SEMA3E: variants seen among roughly 807,000 people sequenced by gnomAD.
SEMA3E encodes semaphorin 3E, also known as semaphorin-3E.
Under a neutral mutation model 93.6 loss-of-function variants are expected in SEMA3E, and 49 were observed. The observed-to-expected ratio is 0.52, with a 90% confidence interval of 0.42 to 0.66. SEMA3E has a LOEUF of 0.66. SEMA3E is among the 30% of genes least tolerant of loss of function. SEMA3E has a pLI of 0.00. For synonymous variants in SEMA3E, 363 were observed against 330.7 expected, an observed-to-expected ratio of 1.10 and a Z score of -1.06; for missense variants, 906 against 964.8, an observed-to-expected ratio of 0.94 and a Z score of 0.81.
At chr7:83,402,868 T>G in intron 9 of SEMA3E, 92 bp from the exon 10 acceptor site, 1 of 1,300,232 alleles carries the variant, frequency 7.7e-7, no homozygotes, top group Non-Finnish European at 1.1e-6. Context: ...GAGTCAAGTC[T>G]TTTGGGTAAA....
rs1335074659 is a variant in SEMA3E at position 83,372,240 on chromosome 7, G to A, written c.1876-4202C>T. ...ATGGTTTCAGGAGCACTTAGTAACTGATGAAAGAGGGCTACATCACAGATA... is the reference window on the plus strand; with the variant it reads ...ATGGTTTCAGGAGCACTTAGTAACTAATGAAAGAGGGCTACATCACAGATA... On this transcript the variant is annotated intron_variant, in intron 16 of 16. Coordinates refer to ENST00000643230, the MANE Select transcript of SEMA3E (RefSeq NM_012431.3). The A allele has an allele frequency of 2.3e-5, 9 of 397,762 alleles. No individual in the cohort carries two copies. In the Admixed American group the frequency reaches 2.6e-4, roughly 12 times the overall value. 24.6% of individuals were successfully genotyped at this position (397,762 alleles called of 1,614,324 possible).
At chr7:83,597,172 C>T (rs1226667786) in intron 1 of SEMA3E, among the ~76,000 whole-genome samples, 1 of 152,102 alleles carries the variant, frequency 6.6e-6, no homozygotes, top group Non-Finnish European at 1.5e-5. Flanking sequence ...ACATAAGTAC[C>T]TCCTCTGATA....
At chr7:83,466,374 A>G (rs1157809828) in intron 4 of SEMA3E, 108 bp downstream of exon 4, 16 of 1,334,936 alleles carry the variant, frequency 1.2e-5, no homozygotes, top group African/African-American at 4.3e-5. Flanking sequence ...GATTCAGTAC[A>G]TCGCAAATGC....
chr7:83,615,351 C>A (rs1312486775), intron 1 of SEMA3E, among the ~76,000 whole-genome samples: 2 of 151,686 alleles, frequency 1.3e-5, no homozygotes, highest in South Asian at 2.1e-4. Context: ...TTTTTTTAAA[C>A]CCCTTACTTA....
intron 1 of SEMA3E, among the ~76,000 whole-genome samples, chr7:83,572,007 A>G (rs1321115363): frequency 6.6e-6 from 1 of 152,186 alleles, no homozygotes; most frequent in Non-Finnish European, 1.5e-5. Flanking sequence ...TTAGGAATAC[A>G]TCTAACTAAG....
At chr7:83,395,785 T>G (rs1012448348) in intron 12 of SEMA3E, among the ~76,000 whole-genome samples, 10 of 152,166 alleles carry the variant, frequency 6.6e-5, no homozygotes, top group Non-Finnish European at 7.3e-5. Flanking sequence ...TTAGATAAGC[T>G]TCATTCAGGC....
intron 1 of SEMA3E, among the ~76,000 whole-genome samples, chr7:83,504,686 T>C (rs1426296905): frequency 6.6e-6 from 1 of 152,192 alleles, no homozygotes; most frequent in African/African-American, 2.4e-5. Context: ...AATTATCAGT[T>C]AGTATTGATT....
intron 1 of SEMA3E, among the ~76,000 whole-genome samples, chr7:83,610,652 A>G (rs541428259): frequency 1.3e-5 from 2 of 152,196 alleles, no homozygotes; most frequent in Non-Finnish European, 2.9e-5. Context: ...CCTAAAGCCC[A>G]ATACCTCAGA....
In SEMA3E at chr7:83,580,851, T is replaced by C. The variant is rs1371470399; in HGVS notation, c.115+67577A>G. 2.0e-5 allele frequency among the ~76,000 whole-genome samples: 3 copies of C among 151,986 alleles called. No individual in the cohort carries two copies. The East Asian group carries it at 5.8e-4, about 29-fold the overall frequency. ...GGCACTAAATGCTGTGAATATTTGT[T>C]CAATAAATACAGTTACCAAAAAATT... is the stretch of plus-strand genomic sequence containing the variant. On this transcript the variant is annotated intron_variant, in intron 1 of 16. Coordinates refer to ENST00000643230, the MANE Select transcript of SEMA3E (RefSeq NM_012431.3).
chr7:83,418,211 A>G (rs1303192472), intron 5 of SEMA3E, among the ~76,000 whole-genome samples, 179 bp downstream of exon 5: 1 of 152,078 alleles, frequency 6.6e-6, no homozygotes, highest in East Asian at 1.9e-4. Flanking sequence ...CACTTATTTT[A>G]GAGTCAAATT....
chr7:83,485,915 T>C (rs1458006707), intron 2 of SEMA3E, among the ~76,000 whole-genome samples: 1 of 152,124 alleles, frequency 6.6e-6, no homozygotes, highest in Non-Finnish European at 1.5e-5. Context: ...ATGTTATGTT[T>C]TAAAAGATAC....
chr7:83,385,888 T>C (rs143342370), intron 15 of SEMA3E, among the ~76,000 whole-genome samples: 1 of 152,248 alleles, frequency 6.6e-6, no homozygotes, highest in Admixed American at 6.6e-5. Flanking sequence ...TATCTGGGTG[T>C]TGGGCTGCTG....
intron 1 of SEMA3E, among the ~76,000 whole-genome samples, chr7:83,626,490 G>T (rs1793672950): frequency 6.6e-6 from 1 of 152,086 alleles, no homozygotes; most frequent in African/African-American, 2.4e-5. Context: ...TGGTTCATTT[G>T]CATAGAGGTG....
At chr7:83,508,085 T>C (rs1790740594) in intron 1 of SEMA3E, among the ~76,000 whole-genome samples, 1 of 152,212 alleles carries the variant, frequency 6.6e-6, no homozygotes, top group Non-Finnish European at 1.5e-5. Flanking sequence ...CCTGCTTTTG[T>C]AAAACTTGTC....
intron 4 of SEMA3E, among the ~76,000 whole-genome samples, chr7:83,444,554 G>A (rs1299137911): frequency 1.3e-5 from 2 of 152,166 alleles, no homozygotes; most frequent in Non-Finnish European, 2.9e-5. Context: ...GAGGGTAGAT[G>A]TAGCTATGTA....
At chr7:83,434,376 A>G (rs1329704771) in intron 4 of SEMA3E, among the ~76,000 whole-genome samples, 1 of 152,202 alleles carries the variant, frequency 6.6e-6, no homozygotes, top group Non-Finnish European at 1.5e-5. Context: ...CCATTTTCAA[A>G]TGCAACATAA....
chr7:83,388,808 C>CT (rs5885347), intron 14 of SEMA3E, among the ~76,000 whole-genome samples: 19,559 of 140,944 alleles, frequency 0.14, 2,948 homozygotes, highest in African/African-American at 0.38. Context: ...CTATTTCAGT[C>CT]TTTTTTTTTT....
At chr7:83,568,426 A>T (rs900333622) in intron 1 of SEMA3E, among the ~76,000 whole-genome samples, 3 of 152,112 alleles carry the variant, frequency 2.0e-5, no homozygotes, top group African/African-American at 7.2e-5. Context: ...GACAACAACA[A>T]AAATCCGTAG....
rs759711935 is a variant in SEMA3E, at chr7:83,617,444, A to AAATAATATAT, written c.115+30983_115+30984insATATATTATT. Among the ~76,000 whole-genome samples the AAATAATATAT allele has an allele frequency of 2.6e-3, 264 of 99,758 alleles. 1 individual carries two copies. Among genetic ancestry groups the AAATAATATAT allele is most frequent in the Non-Finnish European group, 4.3e-3 (210 of 48,522 alleles). 65.4% of individuals were successfully genotyped at this position (99,758 alleles called of 152,430 possible). On this transcript the variant is annotated intron_variant, in intron 1 of 16. Coordinates refer to ENST00000643230, the MANE Select transcript of SEMA3E (RefSeq NM_012431.3). ...TTAATTTATATTAATAATTTTATAT[A>AAATAATATAT]AATTTTATATAAATAATATATAATT...
Sources: gnomAD v4.1 joint callset for allele counts (sites outside exome capture counted in the v4.1 genomes callset) on GRCh38, gnomAD v4.1.1 for gene constraint, MANE v1.5 for transcripts, NCBI Gene and HGNC (gene_info 2026-07-23, HGNC 2026-07-21) for gene names.